The following SHTN1 variants were observed in gnomAD, a reference collection of about 807,000 sequenced individuals.
SHTN1 encodes the protein shootin-1.
In SHTN1, 42 loss-of-function variants were observed where a neutral mutation model predicts 83.1. The ratio of observed to expected loss-of-function variants is 0.51; its 90% CI spans 0.39 to 0.65. The LOEUF is 0.65. Ranked by LOEUF, SHTN1 falls within the 30% of genes least tolerant of loss-of-function variation. The pLI is 0.00. For missense variants in SHTN1, 622 were observed against 737.8 expected (o/e 0.84, Z 1.82); for synonymous variants, 224 against 247.7 (o/e 0.90, Z 0.90).
intron 2 of SHTN1, among the ~76,000 whole-genome samples, chr10:117,030,432 T>G (rs561495137): frequency 2.2e-4 from 34 of 152,150 alleles, no homozygotes; most frequent in African/African-American, 8.2e-4. Context: ...TACCTAACTG[T>G]TCAATGCCCA....
chr10:116,967,732 C>A (rs1205157252), intron 3 of SHTN1, among the ~76,000 whole-genome samples: 1 of 152,116 alleles, frequency 6.6e-6, no homozygotes, highest in Non-Finnish European at 1.5e-5. Flanking sequence ...TATGAATTAA[C>A]CTCAGGAACT....
intron 11 of SHTN1, among the ~76,000 whole-genome samples, chr10:116,927,061 A>G (rs1418413125): frequency 6.6e-6 from 1 of 152,208 alleles, no homozygotes; most frequent in Non-Finnish European, 1.5e-5. Context: ...AAAGGTATAA[A>G]TATGAGGTTA....
intron 1 of SHTN1, among the ~76,000 whole-genome samples, chr10:116,979,684 A>G (rs1850944900): frequency 6.6e-6 from 1 of 152,254 alleles, no homozygotes; most frequent in Non-Finnish European, 1.5e-5. Flanking sequence ...ATGATCCAGG[A>G]GAGGTGACAG....
At chr10:116,964,549 A>T (rs539214886) in intron 3 of SHTN1, among the ~76,000 whole-genome samples, 7 of 152,382 alleles carry the variant, frequency 4.6e-5, no homozygotes, top group African/African-American at 1.7e-4. Context: ...TGTGGTGAAC[A>T]TATCACAAAT....
chr10:117,090,910 G>T (rs1853422972), intron 1 of SHTN1, among the ~76,000 whole-genome samples: 2 of 152,098 alleles, frequency 1.3e-5, no homozygotes, highest in African/African-American at 2.4e-5. Context: ...CTGTTGGGGT[G>T]GATCTGTTCC....
Position 116,906,634 on chromosome 10 carries a change from A to G in SHTN1, c.1473T>C (p.Asp491=), listed in dbSNP as rs1487508920. Reference sequence around the variant, plus strand: ...GAATTCAAACCGGCTTACTACTGCTATCTGCTTCTGCTGTCACCTTTCTGC... The same window carrying G: ...GAATTCAAACCGGCTTACTACTGCTGTCTGCTTCTGCTGTCACCTTTCTGC... ...LRRRKVTAEA[D]SSSPTGILAT... The change falls in exon 15 of 17, where the codon GAT becomes GAC. Residue 491 remains aspartate (D), a synonymous_variant. Coordinates refer to ENST00000355371, the MANE Select transcript of SHTN1 (RefSeq NM_001127211.3). 3.7e-6 allele frequency: 6 copies of G among 1,612,078 alleles called. No individual in the cohort carries two copies. The highest frequency in any genetic ancestry group is 4.2e-6 in the Non-Finnish European group (5 of 1,178,892).
intron 1 of SHTN1, among the ~76,000 whole-genome samples, chr10:117,077,080 C>T (rs1056046908): frequency 1.3e-5 from 2 of 152,128 alleles, no homozygotes; most frequent in African/African-American, 4.8e-5. Flanking sequence ...CACAAAAGCC[C>T]TTACGATTTA....
At chr10:116,905,962 C>T (rs1225175245) in intron 15 of SHTN1, among the ~76,000 whole-genome samples, 1 of 152,224 alleles carries the variant, frequency 6.6e-6, no homozygotes, top group East Asian at 1.9e-4. Flanking sequence ...CAGACTCGCT[C>T]AGATGGTACA....
In SHTN1 at chr10:116,958,327, T is replaced by C. The variant is rs534051455; in HGVS notation, c.267+1809A>G. On this transcript the variant is annotated intron_variant, in intron 4 of 16. Transcript: ENST00000355371. ...AAACAAGCACATTTATAGTATTTGA[T>C]TTAATCCATTTTTTAAATTTTTTTC... 7.4e-4 allele frequency among the ~76,000 whole-genome samples: 112 copies of C among 152,300 alleles called. 2 individuals are homozygous for C. In the South Asian group the frequency reaches 0.022, roughly 30 times the overall value.
At position 116,883,036 on chromosome 10, in the gene SHTN1, A is replaced by G. The variant is rs568352620; in HGVS notation, c.*3308T>C. On this transcript the variant is annotated 3_prime_UTR_variant, in exon 17 of 17. Coordinates refer to ENST00000355371, the MANE Select transcript of SHTN1 (RefSeq NM_001127211.3). ...ATGCCCTGGAACAGTGATATAAATTATAATTAAATTACTAAAACCAGAGCA... is the reference window on the plus strand; with the variant it reads ...ATGCCCTGGAACAGTGATATAAATTGTAATTAAATTACTAAAACCAGAGCA... The G allele has an allele frequency of 6.6e-6, 1 of 152,206 alleles. No homozygotes were observed. Among genetic ancestry groups the G allele is most frequent in the Non-Finnish European group, 1.5e-5 (1 of 68,014 alleles). The allele number at this position is 152,206 out of a possible 1,614,324, so 9.4% of individuals were successfully genotyped here. A position where few individuals can be genotyped will look rare whatever the true frequency, so the allele number is the denominator to read the frequency against.
At chr10:116,905,566 G>A (rs955024342) in intron 15 of SHTN1, among the ~76,000 whole-genome samples, 1 of 152,100 alleles carries the variant, frequency 6.6e-6, no homozygotes, top group Non-Finnish European at 1.5e-5. Flanking sequence ...TTGGGTTCAA[G>A]GAATCAATTT....
chr10:117,126,257 G>C (rs1435553124), intron 1 of SHTN1: 1 of 155,354 alleles, frequency 6.4e-6, no homozygotes, highest in African/African-American at 2.4e-5. Context: ...GCCGGACTCA[G>C]CGTGGGTCGG....
At chr10:117,024,993 C>T (rs2133567327) in intron 2 of SHTN1, among the ~76,000 whole-genome samples, 1 of 152,186 alleles carries the variant, frequency 6.6e-6, no homozygotes, top group East Asian at 1.9e-4. Flanking sequence ...AATGCAAGAC[C>T]TGGGACTCGG....
intron 11 of SHTN1, among the ~76,000 whole-genome samples, chr10:116,927,231 C>G (rs1848773955): frequency 6.6e-6 from 1 of 152,122 alleles, no homozygotes; most frequent in Admixed American, 6.5e-5. Flanking sequence ...TCTGGAAAAG[C>G]TCAAAATTCC....
intron 2 of SHTN1, among the ~76,000 whole-genome samples, chr10:117,036,729 A>G (rs994340317): frequency 6.6e-6 from 1 of 152,248 alleles, no homozygotes; most frequent in Admixed American, 6.5e-5. Context: ...CAACAGGGCT[A>G]CTAGAGTCAA....
chr10:117,099,946 G>A (rs1464424565), intron 1 of SHTN1, among the ~76,000 whole-genome samples: 1 of 151,590 alleles, frequency 6.6e-6, no homozygotes, highest in Non-Finnish European at 1.5e-5. Context: ...GGGAGGCCGA[G>A]GTGGGTGGAT....
intron 16 of SHTN1, among the ~76,000 whole-genome samples, chr10:116,889,986 C>T (rs1243474946): frequency 6.6e-6 from 1 of 152,078 alleles, no homozygotes; most frequent in Non-Finnish European, 1.5e-5. Context: ...TCATTCCTAT[C>T]GTATGGGAAG....
intron 2 of SHTN1, among the ~76,000 whole-genome samples, chr10:117,014,616 G>T (rs1440970240): frequency 6.6e-6 from 1 of 152,134 alleles, no homozygotes; most frequent in Admixed American, 6.5e-5. Context: ...ATGGGAGGCA[G>T]GTTTCTCACC....
chr10:116,943,285 T>G (rs367685495), intron 8 of SHTN1, among the ~76,000 whole-genome samples: 5 of 152,368 alleles, frequency 3.3e-5, no homozygotes, highest in Admixed American at 6.5e-5. Flanking sequence ...TCCATCTGTC[T>G]TCTCTGCTAC....
Sources: gnomAD v4.1 joint callset for allele counts (sites outside exome capture counted in the v4.1 genomes callset) on GRCh38, gnomAD v4.1.1 for gene constraint, MANE v1.5 for transcripts, NCBI Gene and HGNC (gene_info 2026-07-23, HGNC 2026-07-21) for gene names.